Variants in TSHZ3 observed in about 807,000 individuals in gnomAD.
The protein encoded by TSHZ3 is teashirt homolog 3.
In TSHZ3, 10 loss-of-function variants were observed where a neutral mutation model predicts 64.5. The ratio of observed to expected loss-of-function variants is 0.16; its 90% confidence interval spans 0.10 to 0.26. The LOEUF (loss-of-function observed/expected upper bound fraction) is 0.26, where lower values mean the gene tolerates loss of function less well. TSHZ3 is among the 10% of genes least tolerant of loss of function. TSHZ3 has a pLI of 1.00. For missense variants in TSHZ3, 1,242 were observed against 1,421.7 expected, an observed-to-expected ratio of 0.87 and a Z score of 2.03; for synonymous variants, 608 against 593.1, an observed-to-expected ratio of 1.03 and a Z score of -0.36.
chr19:31,208,377 AAG>A (rs1975214968), intron 4 of TSHZ3, among the ~76,000 whole-genome samples: 1 of 152,190 alleles, frequency 6.6e-6, no homozygotes. Context: ...GCTCCCAAGA[AAG>A]AGAGTCCAAT....
chr19:31,281,179 A>C (rs1393779150), intron 1 of TSHZ3, among the ~76,000 whole-genome samples: 2 of 152,184 alleles, frequency 1.3e-5, no homozygotes, highest in Admixed American at 1.3e-4. Context: ...AATTGACTCC[A>C]CCAGCTTTAA....
chr19:31,235,100 TGA>T (rs1975588032), intron 3 of TSHZ3, among the ~76,000 whole-genome samples: 1 of 152,222 alleles, frequency 6.6e-6, no homozygotes, highest in South Asian at 2.1e-4. Context: ...GTATACAATG[TGA>T]TGTTTTGAGC....
chr19:31,335,702 C>T (rs1316000020), intron 1 of TSHZ3, among the ~76,000 whole-genome samples: 2 of 152,310 alleles, frequency 1.3e-5, no homozygotes, highest in Non-Finnish European at 2.9e-5. Flanking sequence ...GAACACTTGC[C>T]CCAGCCTCCT....
intron 1 of TSHZ3, among the ~76,000 whole-genome samples, chr19:31,246,233 G>T (rs1161458752): frequency 6.6e-6 from 1 of 152,046 alleles, no homozygotes. Context: ...GGGTGTATAA[G>T]GCTCAGAAAA....
At chr19:31,194,027 C>T (rs1302147047) in intron 5 of TSHZ3, among the ~76,000 whole-genome samples, 1 of 152,110 alleles carries the variant, frequency 6.6e-6, no homozygotes, top group Non-Finnish European at 1.5e-5. Context: ...GGACAAATCA[C>T]CGACCCCAAA....
chr19:31,323,899 C>T (rs969119758), intron 1 of TSHZ3, among the ~76,000 whole-genome samples: 43 of 150,166 alleles, frequency 2.9e-4, no homozygotes, highest in Non-Finnish European at 5.8e-4. Context: ...CACACACACA[C>T]ACACACACAC....
intron 1 of TSHZ3, among the ~76,000 whole-genome samples, chr19:31,319,084 A>G (rs1695753599): frequency 6.6e-6 from 1 of 152,212 alleles, no homozygotes; most frequent in South Asian, 2.1e-4. Context: ...GTACATCTGA[A>G]TATAAAAAGC....
At chr19:31,325,683 C>T (rs1337062555) in intron 1 of TSHZ3, among the ~76,000 whole-genome samples, 1 of 152,120 alleles carries the variant, frequency 6.6e-6, no homozygotes, top group Non-Finnish European at 1.5e-5. Flanking sequence ...GGACTGCATC[C>T]CACAAGGATG....
intron 4 of TSHZ3, among the ~76,000 whole-genome samples, chr19:31,219,164 G>T (rs1029572573): frequency 6.6e-6 from 1 of 152,154 alleles, no homozygotes; most frequent in African/African-American, 2.4e-5. Context: ...AGTGTTTCTG[G>T]ATTGGACCCC....
intron 3 of TSHZ3, among the ~76,000 whole-genome samples, chr19:31,234,728 G>A (rs991027414): frequency 6.6e-6 from 1 of 152,148 alleles, no homozygotes; most frequent in African/African-American, 2.4e-5. Context: ...ATACTGAGAT[G>A]CAGTCTTCAT....
At chr19:31,299,463 G>C (rs11883258) in intron 1 of TSHZ3, among the ~76,000 whole-genome samples, 47,503 of 152,098 alleles carry the variant, frequency 0.31, 7,594 homozygotes, top group East Asian at 0.45. Flanking sequence ...ATTGTGGGAT[G>C]CGGGTGTTTT....
At chr19:31,183,303 T>G (rs1006008433) in intron 5 of TSHZ3, among the ~76,000 whole-genome samples, 1 of 151,514 alleles carries the variant, frequency 6.6e-6, no homozygotes, top group Non-Finnish European at 1.5e-5. Context: ...ATAATGACAC[T>G]GATTCAACAC....
At chr19:31,308,866 G>C (rs1364629559) in intron 1 of TSHZ3, among the ~76,000 whole-genome samples, 1 of 152,250 alleles carries the variant, frequency 6.6e-6, no homozygotes, top group Non-Finnish European at 1.5e-5. Context: ...ACAGAGGAAA[G>C]GACTGACCAG....
chr19:31,184,864 A>G (rs1305315111), intron 5 of TSHZ3, among the ~76,000 whole-genome samples: 1 of 152,246 alleles, frequency 6.6e-6, no homozygotes, highest in Non-Finnish European at 1.5e-5. Flanking sequence ...TGACATTAGC[A>G]AAAAGCTAAG....
intron 1 of TSHZ3, among the ~76,000 whole-genome samples, chr19:31,342,034 G>A (rs1917453161): frequency 6.6e-6 from 1 of 152,190 alleles, no homozygotes; most frequent in African/African-American, 2.4e-5. Context: ...AACCAGACTT[G>A]ATGAGAAGGC....
rs1225708168 is a variant in TSHZ3, at chr19:31,278,194, T to A, written c.1599A>T (p.Ala533=). ...GAGTGCCGTTCTGGGCCTTGTTGAT[T>A]GCGGATGTCACTGTGTTTTCCAAGG... is the stretch of plus-strand genomic sequence containing the variant. ...LKSLENTVTS[A]INKAQNGTPS... Residue 533 remains alanine (A), a synonymous_variant, in exon 2 of 2, where the codon GCA becomes GCT. Coordinates refer to ENST00000240587, the MANE Select transcript of TSHZ3 (RefSeq NM_020856.4). This position sits in a 1 kb window ranked among gnomAD's most constrained non-coding sequence, Gnocchi z 4.7. The A allele has an allele frequency of 6.2e-7, 1 of 1,614,134 alleles. No homozygotes were observed. The highest frequency in any genetic ancestry group is 1.1e-5 in the South Asian group (1 of 91,072).
chr19:31,230,858 C>T (rs572425170), intron 3 of TSHZ3, among the ~76,000 whole-genome samples: 4 of 151,804 alleles, frequency 2.6e-5, no homozygotes, highest in South Asian at 4.2e-4. Flanking sequence ...TGCCACCACG[C>T]GCGGCTAATT....
At chr19:31,215,669 A>G (rs1975316897) in intron 4 of TSHZ3, among the ~76,000 whole-genome samples, 1 of 152,172 alleles carries the variant, frequency 6.6e-6, no homozygotes, top group Admixed American at 6.5e-5. Flanking sequence ...TTAGGAGTTC[A>G]AGACCAGCCT....
downstream of TSHZ3, among the ~76,000 whole-genome samples, chr19:31,273,601 G>A (rs750535996): frequency 2.1e-4 from 32 of 152,220 alleles, no homozygotes; most frequent in Non-Finnish European, 3.7e-4. Flanking sequence ...CTAATAAACC[G>A]ATGCTATATT....
Sources: gnomAD v4.1 joint callset for allele counts (sites outside exome capture counted in the v4.1 genomes callset) on GRCh38, gnomAD v4.1.1 for gene constraint, Gnocchi (gnomAD v3.1) non-coding constraint, MANE v1.5 for transcripts, NCBI Gene and HGNC (gene_info 2026-07-23, HGNC 2026-07-21) for gene names.